FGF14: variants seen among roughly 807,000 people sequenced by gnomAD.
FGF14 encodes the protein fibroblast growth factor 14.
A neutral mutation model predicts 25.5 loss-of-function variants in FGF14; 5 were observed. The observed-to-expected ratio is 0.20, with a 90% CI of 0.10 to 0.41. The LOEUF (loss-of-function observed/expected upper bound fraction) is 0.41. Ranked by LOEUF, FGF14 falls within the 10% of genes least tolerant of loss-of-function variation. The probability of loss-of-function intolerance (pLI) is 1.00; values close to 1 mark genes in which losing one functional copy is unlikely to be tolerated. For synonymous variants in FGF14, 138 were observed against 118.3 expected (o/e 1.17, Z -1.08); for missense variants, 222 against 320.1 (o/e 0.69, Z 2.34).
intron 1 of FGF14, among the ~76,000 whole-genome samples, chr13:102,355,946 C>T (rs1375935070): frequency 1.3e-5 from 2 of 152,134 alleles, no homozygotes; most frequent in African/African-American, 4.8e-5. Flanking sequence ...ATTAAAACCT[C>T]ATGTGACTTT....
At chr13:102,212,172 CCACT>C (rs1213708146) in intron 1 of FGF14, among the ~76,000 whole-genome samples, 1 of 152,178 alleles carries the variant, frequency 6.6e-6, no homozygotes, top group African/African-American at 2.4e-5. Context: ...ATACTAGTTC[CCACT>C]GACTTCCTTC....
At chr13:102,350,429 A>T (rs966824783) in intron 1 of FGF14, among the ~76,000 whole-genome samples, 1 of 151,992 alleles carries the variant, frequency 6.6e-6, no homozygotes, top group Non-Finnish European at 1.5e-5. Context: ...AGAATCCATC[A>T]GCTTCACAGA....
At chr13:102,010,534 G>A (rs141299891) in intron 1 of FGF14, among the ~76,000 whole-genome samples, 21 of 152,194 alleles carry the variant, frequency 1.4e-4, no homozygotes, top group South Asian at 6.2e-4. Context: ...AATGTTATAA[G>A]CTTTTATTTG....
intron 1 of FGF14, among the ~76,000 whole-genome samples, chr13:101,890,944 T>C (rs1240365797): frequency 6.6e-6 from 1 of 151,904 alleles, no homozygotes; most frequent in Non-Finnish European, 1.5e-5. Flanking sequence ...TTCTTATTGA[T>C]AAGAAGACAA....
intron 1 of FGF14, among the ~76,000 whole-genome samples, chr13:102,146,861 G>A (rs2046875875): frequency 6.6e-6 from 1 of 152,108 alleles, no homozygotes; most frequent in African/African-American, 2.4e-5. Context: ...GAAACACAGG[G>A]AAGACATCAC....
chr13:102,026,539 A>G lies in FGF14; in HGVS notation c.209-151243T>C, dbSNP rs1356787331. Among the ~76,000 whole-genome samples the G allele has an allele frequency of 3.3e-5, 5 of 152,028 alleles. No individual in the cohort carries two copies. The South Asian group carries it at 6.2e-4, about 19-fold the overall frequency. Reference sequence around the variant, plus strand: ...TTTTTTATAATAAGCTTTTAAAAAAATTTGCTATCTTTTGGTCATTTTACT... The same window carrying G: ...TTTTTTATAATAAGCTTTTAAAAAAGTTTGCTATCTTTTGGTCATTTTACT... On this transcript the variant is annotated intron_variant, in intron 1 of 4. Transcript: ENST00000376131.
intron 1 of FGF14, among the ~76,000 whole-genome samples, chr13:102,154,289 G>A (rs1279475496): frequency 6.6e-6 from 1 of 151,820 alleles, no homozygotes; most frequent in African/African-American, 2.4e-5. Flanking sequence ...ACCCACAAAG[G>A]GAAGCCCATC....
At chr13:101,871,219 A>C (rs1487958932) in intron 2 of FGF14, among the ~76,000 whole-genome samples, 1 of 152,104 alleles carries the variant, frequency 6.6e-6, no homozygotes, top group Non-Finnish European at 1.5e-5. Flanking sequence ...GAGTAAGAAT[A>C]ATGGAGATGT....
intron 1 of FGF14, among the ~76,000 whole-genome samples, chr13:102,210,807 G>T (rs1010307352): frequency 6.6e-6 from 1 of 152,134 alleles, no homozygotes; most frequent in Non-Finnish European, 1.5e-5. Flanking sequence ...GGAAAATGAG[G>T]GGGTTTCAAG....
intron 1 of FGF14, among the ~76,000 whole-genome samples, chr13:101,955,892 A>G (rs1161315787): frequency 1.3e-5 from 2 of 152,250 alleles, no homozygotes; most frequent in Admixed American, 1.3e-4. Flanking sequence ...GATAAATCTC[A>G]GATGGGTACA....
At chr13:102,044,667 T>A (rs2041899511) in intron 1 of FGF14, among the ~76,000 whole-genome samples, 1 of 152,144 alleles carries the variant, frequency 6.6e-6, no homozygotes, top group African/African-American at 2.4e-5. Flanking sequence ...ACCCATGATC[T>A]CTCAAAGCCA....
At position 102,182,950 on chromosome 13, in the gene FGF14, A is replaced by G. The variant is rs192715459; in HGVS notation, c.208+218521T>C. 1.6e-4 allele frequency among the ~76,000 whole-genome samples: 24 copies of G among 152,306 alleles called. No individual in the cohort carries two copies. In the East Asian group the frequency reaches 3.9e-3, roughly 25 times the overall value. On this transcript the variant is annotated intron_variant, in intron 1 of 4. Coordinates refer to the FGF14 transcript ENST00000376131. The stretch of plus-strand genomic sequence containing the variant: ...CACCATAGTATAGTGTAGTTGGGAC[A>G]GCAAGTGCATGTTAAGTATGGGGTC...
intron 1 of FGF14, among the ~76,000 whole-genome samples, chr13:102,350,127 C>T (rs2057232509): frequency 6.6e-6 from 1 of 152,138 alleles, no homozygotes; most frequent in African/African-American, 2.4e-5. Flanking sequence ...TGACAGCATA[C>T]AGCAGGTAAT....
chr13:101,876,066 C>A (rs1193889225), intron 1 of FGF14, among the ~76,000 whole-genome samples: 4 of 152,140 alleles, frequency 2.6e-5, no homozygotes, highest in Admixed American at 2.6e-4. Flanking sequence ...AAATCTGATT[C>A]TTTGTCAACG....
Position 101,916,869 on chromosome 13 carries a change from C to A in FGF14, c.-224G>T, listed in dbSNP as rs967699478. Among the ~76,000 whole-genome samples, 1 of 152,108 alleles carries A rather than the reference C, an allele frequency of 6.6e-6. No homozygotes were observed. The highest frequency in any genetic ancestry group is 1.5e-5 in the Non-Finnish European group (1 of 67,996). On this transcript the variant is annotated 5_prime_UTR_variant, in exon 1 of 5. Transcript: ENST00000376143. ...CGCGCAGATGCGCCCAGGGCGCAGC[C>A]GGACGATCCCGGGAAGCCGGACGTC...
Position 101,916,335 on chromosome 13 carries a change from G to A in FGF14, c.193+118C>T, listed in dbSNP as rs145532694. 4.1e-3 allele frequency: 5,269 copies of A among 1,275,128 alleles called. 167 individuals carry two copies. The African/African-American group carries it at 0.066, about 16-fold the overall frequency. 79.0% of individuals were successfully genotyped at this position (1,275,128 alleles called of 1,614,324 possible). On this transcript the variant is annotated intron_variant, in intron 1 of 4. Coordinates refer to ENST00000376143, the MANE Select transcript of FGF14 (RefSeq NM_004115.4). ...CGACGGCACCCAGAGTGCTCAGAAG[G>A]GAGGCCGGGGCCGGGGTGGGCCGGG...
intron 1 of FGF14, among the ~76,000 whole-genome samples, chr13:102,035,584 A>C (rs1280659468): frequency 6.6e-6 from 1 of 152,148 alleles, no homozygotes; most frequent in Non-Finnish European, 1.5e-5. Flanking sequence ...ACATTTTCAA[A>C]TGCATTGCAT....
At chr13:102,031,626 G>C in intron 1 of FGF14, among the ~76,000 whole-genome samples, 1 of 151,438 alleles carries the variant, frequency 6.6e-6, no homozygotes, top group Non-Finnish European at 1.5e-5. Context: ...ATTGAATTAT[G>C]GTTAAACTCC....
chr13:102,235,176 C>A (rs2141007324), intron 1 of FGF14, among the ~76,000 whole-genome samples: 1 of 152,246 alleles, frequency 6.6e-6, no homozygotes. Context: ...GCATTTATTC[C>A]TTTGGAAGCT....
Sources: gnomAD v4.1 joint callset for allele counts (sites outside exome capture counted in the v4.1 genomes callset) on GRCh38, gnomAD v4.1.1 for gene constraint, MANE v1.5 for transcripts, NCBI Gene and HGNC (gene_info 2026-07-23, HGNC 2026-07-21) for gene names.